Variants in FGD3 observed in about 807,000 individuals in gnomAD.
FGD3 encodes FYVE, RhoGEF and PH domain containing 3.
FGD3 carries 45 observed loss-of-function variants against 71.8 expected under a neutral mutation model. That is an observed-to-expected ratio of 0.63 (90% CI 0.49 to 0.80). FGD3 has a LOEUF of 0.80. Ranked by LOEUF, FGD3 falls within the 30% of genes least tolerant of loss-of-function variation. The pLI is 0.00. For missense variants in FGD3, 844 were observed against 951.5 expected (o/e 0.89, Z 1.49); for synonymous variants, 378 against 392.8 (o/e 0.96, Z 0.44).
At chr9:92,980,287 T>C (rs1457257920) in intron 3 of FGD3, among the ~76,000 whole-genome samples, 1 of 152,226 alleles carries the variant, frequency 6.6e-6, no homozygotes, top group Non-Finnish European at 1.5e-5. Flanking sequence ...TCCCAAGTGC[T>C]GGGATTACAG....
chr9:92,996,217 G>A (rs888195043), intron 3 of FGD3, among the ~76,000 whole-genome samples: 2 of 152,184 alleles, frequency 1.3e-5, no homozygotes, highest in African/African-American at 4.8e-5. Flanking sequence ...AGGGTGTTAT[G>A]TGTCCAGGAA....
At chr9:93,020,597 AAATTT>A (rs1664329301) in intron 13 of FGD3, 173 bp downstream of exon 13, 1 of 602,802 alleles carries the variant, frequency 1.7e-6, no homozygotes, top group South Asian at 1.9e-5. Context: ...AAGACAAATT[AAATTT>A]AACAATTTAA....
At position 93,005,877 on chromosome 9, in the gene FGD3, G is replaced by A. The variant is rs557229576; in HGVS notation, c.681-147G>A. The A allele has an allele frequency of 9.6e-6, 7 of 731,982 alleles. No homozygotes were observed. The East Asian group carries it at 1.4e-4, about 14-fold the overall frequency. The allele number at this position is 731,982 out of a possible 1,614,324, so 45.3% of individuals were successfully genotyped here. ...TACTCTACATGACATAGGGGAGGAA[G>A]CTAAGGCTCAGAGAGGGTGACCAAT... On this transcript the variant is annotated intron_variant, in intron 5 of 17. Coordinates refer to ENST00000375482, the MANE Select transcript of FGD3 (RefSeq NM_001083536.2).
At position 93,006,152 on chromosome 9, in the gene FGD3, T is replaced by A. The variant is rs747968514; in HGVS notation, c.809T>A (p.Leu270Gln). The A allele has an allele frequency of 1.2e-6, 2 of 1,602,298 alleles. No homozygotes were observed. Among genetic ancestry groups the A allele is most frequent in the Non-Finnish European group, 1.7e-6 (2 of 1,173,256 alleles). ...LVSTWTQRSP[L>Q]FKDVVHSIQK... Reference sequence around the variant, plus strand: ...AGCACGTGGACCCAGCGCTCCCCACTGTTTAAAGACGTCGTCCACAGCATC... The same window carrying A: ...AGCACGTGGACCCAGCGCTCCCCACAGTTTAAAGACGTCGTCCACAGCATC... Residue 270 changes from leucine to glutamine, a missense_variant, in exon 6 of 18, where the codon CTG becomes CAG. Leu to Gln is a moderately radical substitution (Grantham distance 113). Coordinates refer to ENST00000375482, the MANE Select transcript of FGD3 (RefSeq NM_001083536.2).
intron 5 of FGD3, among the ~76,000 whole-genome samples, chr9:93,005,815 CA>C (rs1321451428): frequency 4.6e-5 from 7 of 152,206 alleles, no homozygotes; most frequent in African/African-American, 1.4e-4. Context: ...AACTGTTTTA[CA>C]GGCATCTTTC....
chr9:93,002,942 G>C lies in FGD3; in HGVS notation c.471G>C (p.Lys157Asn). 6.2e-7 allele frequency: 1 copy of C among 1,614,066 alleles called. No homozygotes were observed. The highest frequency in any genetic ancestry group is 1.3e-5 in the African/African-American group (1 of 75,036). The change falls in exon 4 of 18, where the codon AAG (lysine) becomes AAC (asparagine). Residue 157 changes from lysine (K) to asparagine (N), a missense_variant. Physicochemically the swap from Lys to Asn is moderately conservative, Grantham distance 94. Transcript: ENST00000375482. ...AGLAQHSGPQ[K>N]LLHIAQELLH... ...CTCCGCAGCACTCTGGCCCCCAGAA[G>C]CTTCTCCACATTGCCCAGGAGCTCC...
In FGD3 at chr9:93,035,568, T is replaced by C. The variant is rs534863171; in HGVS notation, c.2157T>C (p.Pro719=). The change falls in exon 18 of 18, where the codon CCT becomes CCC. Residue 719 remains proline, a synonymous_variant. Coordinates refer to ENST00000375482, the MANE Select transcript of FGD3 (RefSeq NM_001083536.2). ...CGGGGGCCCTGCAGCTTCAGGTCCCTATGGGCGCAGCTGCTCCGTGAGCTG... is the reference window on the plus strand; with the variant it reads ...CGGGGGCCCTGCAGCTTCAGGTCCCCATGGGCGCAGCTGCTCCGTGAGCTG... The part of the protein sequence containing the change: ...DSPGALQLQV[P]MGAAAP The C allele has an allele frequency of 1.3e-6, 2 of 1,597,396 alleles. No homozygotes were observed. The highest frequency in any genetic ancestry group is 8.5e-7 in the Non-Finnish European group (1 of 1,174,686).
chr9:93,004,798 G>A (rs959960557), intron 5 of FGD3, among the ~76,000 whole-genome samples: 3 of 152,138 alleles, frequency 2.0e-5, no homozygotes, highest in Non-Finnish European at 2.9e-5. Flanking sequence ...CCACCAGCCC[G>A]TTCTCCAAGC....
At chr9:93,017,595 G>A (rs377315391) in intron 10 of FGD3, among the ~76,000 whole-genome samples, 5 of 151,970 alleles carry the variant, frequency 3.3e-5, no homozygotes, top group African/African-American at 1.2e-4. Context: ...CTGTGGCTGC[G>A]GTTCTATGAA....
At chr9:92,995,292 A>T (rs1488149382) in intron 3 of FGD3, among the ~76,000 whole-genome samples, 1 of 151,928 alleles carries the variant, frequency 6.6e-6, no homozygotes, top group East Asian at 1.9e-4. Flanking sequence ...TATTGGTGTA[A>T]AGGAATGCTT....
chr9:93,010,623 G>C (rs1861291976), intron 7 of FGD3, among the ~76,000 whole-genome samples: 1 of 135,116 alleles, frequency 7.4e-6, no homozygotes, highest in South Asian at 2.2e-4. Context: ...GAGGGGAGGA[G>C]AGAGAGACAC....
chr9:92,953,540 A>AT (rs1858995814), intron 1 of FGD3, among the ~76,000 whole-genome samples: 1 of 152,238 alleles, frequency 6.6e-6, no homozygotes, highest in African/African-American at 2.4e-5. Context: ...ACACTGTAGC[A>AT]TTTTACACAC....
At chr9:93,027,435 T>G (rs970047823) in intron 14 of FGD3, among the ~76,000 whole-genome samples, 1 of 152,162 alleles carries the variant, frequency 6.6e-6, no homozygotes, top group African/African-American at 2.4e-5. Context: ...CCACACATGG[T>G]CTTCCCTCTG....
At chr9:92,999,119 A>T (rs1860758555) in intron 3 of FGD3, among the ~76,000 whole-genome samples, 1 of 152,114 alleles carries the variant, frequency 6.6e-6, no homozygotes, top group Non-Finnish European at 1.5e-5. Flanking sequence ...GGTGGGCTCC[A>T]CTCAGTTCGA....
At chr9:93,021,964 G>A (rs1445488590) in intron 13 of FGD3, among the ~76,000 whole-genome samples, 1 of 152,180 alleles carries the variant, frequency 6.6e-6, no homozygotes, top group Non-Finnish European at 1.5e-5. Flanking sequence ...AAGTCGGGGA[G>A]CTGCAGAGAC....
At chr9:92,995,796 G>C in intron 3 of FGD3, among the ~76,000 whole-genome samples, 1 of 152,142 alleles carries the variant, frequency 6.6e-6, no homozygotes, top group East Asian at 1.9e-4. Context: ...TGTGTATGTT[G>C]AACCAGCCTT....
At chr9:93,010,157 C>T in intron 6 of FGD3, 89 bp from the exon 7 acceptor site, 1 of 1,488,552 alleles carries the variant, frequency 6.7e-7, no homozygotes, top group South Asian at 1.3e-5. Flanking sequence ...TTCCGGGCAG[C>T]TTCCTGGGGC....
intron 1 of FGD3, among the ~76,000 whole-genome samples, chr9:92,961,433 A>G (rs1301054884): frequency 6.6e-6 from 1 of 152,024 alleles, no homozygotes; most frequent in Non-Finnish European, 1.5e-5. Context: ...GGGGTAGAGG[A>G]CTCATTTGAG....
At chr9:92,953,788 A>G (rs1859001467) in intron 1 of FGD3, among the ~76,000 whole-genome samples, 1 of 152,204 alleles carries the variant, frequency 6.6e-6, no homozygotes, top group Non-Finnish European at 1.5e-5. Flanking sequence ...AACCTAGAAA[A>G]TGTTTTGCAA....
Sources: gnomAD v4.1 joint callset for allele counts (sites outside exome capture counted in the v4.1 genomes callset) on GRCh38, gnomAD v4.1.1 for gene constraint, MANE v1.5 for transcripts, NCBI Gene and HGNC (gene_info 2026-07-23, HGNC 2026-07-21) for gene names.